Variants in GLB1L3 observed in about 807,000 individuals in gnomAD.
The protein encoded by GLB1L3 is beta-galactosidase-1-like protein 3.
In GLB1L3, 89 loss-of-function variants were observed where a neutral mutation model predicts 89.5. The observed-to-expected ratio is 0.99, with a 90% CI of 0.84 to 1.19. The LOEUF is 1.19. GLB1L3 is among the 50% of genes most tolerant of loss of function. The probability of loss-of-function intolerance (pLI) is 0.00; values close to 1 mark genes in which losing one functional copy is unlikely to be tolerated. For synonymous variants in GLB1L3, 314 were observed against 312.3 expected (o/e 1.01, Z -0.06); for missense variants, 812 against 813.3 (o/e 1.00, Z 0.02).
At chr11:134,312,549 G>A in intron 14 of GLB1L3, 60 bp downstream of exon 14, 3 of 1,584,074 alleles carry the variant, frequency 1.9e-6, no homozygotes, top group Non-Finnish European at 2.6e-6. Flanking sequence ...ATGCTGTCGG[G>A]CAGGGTAGTT....
At chr11:134,312,785 T>C in intron 14 of GLB1L3, 31 bp from the exon 15 acceptor site, 1 of 1,573,520 alleles carries the variant, frequency 6.4e-7, no homozygotes, top group Non-Finnish European at 8.7e-7. Flanking sequence ...CGGGTGGGCC[T>C]AGCAGTCTGA....
At chr11:134,289,573 A>G (rs1146195) in intron 7 of GLB1L3, among the ~76,000 whole-genome samples, 69,104 of 152,050 alleles carry the variant, frequency 0.45, 16,078 homozygotes, top group Non-Finnish European at 0.49. Flanking sequence ...AGAACATGGC[A>G]TTAAAGGGCT....
intron 1 of GLB1L3, 74 bp from the exon 2 acceptor site, chr11:134,277,252 C>G: frequency 6.2e-7 from 1 of 1,602,118 alleles, no homozygotes; most frequent in South Asian, 1.1e-5. Flanking sequence ...GCGCCCCCGG[C>G]ACAGCTTCCC....
At chr11:134,308,489 TCACCACCAAATACCA>T (rs1942486043) in intron 10 of GLB1L3, among the ~76,000 whole-genome samples, 2 of 6,110 alleles carry the variant, frequency 3.3e-4, no homozygotes, top group South Asian at 6.3e-3. Context: ...ACCACCACCA[TCACCACCAAATACCA>T]CCACCACCAC....
In GLB1L3 at chr11:134,279,455, C is replaced by A. The variant is rs542306933; in HGVS notation, c.362+1543C>A. ...GATCTCTGCTCACTGCAACCTCCCC[C>A]TCCTGGGTTCAAGTGATTCTCCTGC... On this transcript the variant is annotated intron_variant, in intron 3 of 19. Coordinates refer to ENST00000431683, the MANE Select transcript of GLB1L3 (RefSeq NM_001080407.3). Among the ~76,000 whole-genome samples the A allele has an allele frequency of 3.2e-4, 49 of 150,904 alleles. No individual in the cohort carries two copies. The South Asian group carries it at 9.4e-3, about 29-fold the overall frequency.
At chr11:134,282,212 T>C in intron 5 of GLB1L3, 92 bp downstream of exon 5, 1 of 1,399,482 alleles carries the variant, frequency 7.1e-7, no homozygotes, top group Non-Finnish European at 9.5e-7. Flanking sequence ...GAAAGTAACC[T>C]TTATTCACGG....
intron 4 of GLB1L3, among the ~76,000 whole-genome samples, 163 bp downstream of exon 4, chr11:134,281,608 C>T (rs565137215): frequency 5.3e-5 from 7 of 131,252 alleles, no homozygotes; most frequent in African/African-American, 1.7e-4. Context: ...GCTCCCCAAC[C>T]GTGACCTGTC....
Position 134,310,661 on chromosome 11 carries a change from AC to A in GLB1L3, c.1180+13del. On this transcript the variant is annotated intron_variant, in intron 12 of 19. Coordinates refer to ENST00000431683, the MANE Select transcript of GLB1L3 (RefSeq NM_001080407.3). Reference sequence around the variant, plus strand: ...TTTCAATCTGTCTCAGGTACTCAGCACCCATTTAACTTACGGGCCAGCCCTC... The same window carrying A: ...TTTCAATCTGTCTCAGGTACTCAGCACCATTTAACTTACGGGCCAGCCCTC... The A allele has an allele frequency of 6.2e-7, 1 of 1,604,416 alleles. No homozygotes were observed. The highest frequency in any genetic ancestry group is 1.1e-5 in the South Asian group (1 of 90,592).
Position 134,308,661 on chromosome 11 carries a change from CCACCACCACCACCAA to C in GLB1L3, c.962-950_962-936del, listed in dbSNP as rs1942559848. Among the ~76,000 whole-genome samples the C allele has an allele frequency of 2.7e-5, 4 of 148,450 alleles. No homozygotes were observed. The South Asian group carries it at 8.5e-4, about 32-fold the overall frequency. On this transcript the variant is annotated intron_variant, in intron 10 of 19. Transcript: ENST00000431683. ...AACACCATCACCACCATCATCACCA[CCACCACCACCACCAA>C]CACCACCACCACCACTACCAAATAA...
intron 13 of GLB1L3, chr11:134,311,408 G>T: frequency 2.0e-6 from 1 of 501,528 alleles, no homozygotes; most frequent in Non-Finnish European, 3.6e-6. Context: ...TTCCCGCTTA[G>T]ATGAACCTGT....
intron 9 of GLB1L3, among the ~76,000 whole-genome samples, chr11:134,304,351 A>G (rs1942085771): frequency 6.6e-6 from 1 of 152,222 alleles, no homozygotes; most frequent in Non-Finnish European, 1.5e-5. Context: ...GTTCGTCCAA[A>G]TAACATAGAT....
At chr11:134,308,561 A>T (rs1362443447) in intron 10 of GLB1L3, among the ~76,000 whole-genome samples, 1 of 135,412 alleles carries the variant, frequency 7.4e-6, no homozygotes, top group Non-Finnish European at 1.6e-5. Context: ...CACCATCACC[A>T]CCACCACCAC....
At chr11:134,289,789 C>T (rs1414106260) in intron 7 of GLB1L3, among the ~76,000 whole-genome samples, 1 of 152,214 alleles carries the variant, frequency 6.6e-6, no homozygotes, top group Non-Finnish European at 1.5e-5. Context: ...AACTGCAGTC[C>T]TGCCTGCTGT....
intron 5 of GLB1L3, among the ~76,000 whole-genome samples, chr11:134,283,483 T>C (rs1270753965): frequency 6.6e-6 from 1 of 152,168 alleles, no homozygotes; most frequent in Non-Finnish European, 1.5e-5. Flanking sequence ...TCAGACCAAA[T>C]AGAGCTGAAG....
chr11:134,287,914 G>A (rs1191416332), intron 6 of GLB1L3, among the ~76,000 whole-genome samples: 1 of 152,182 alleles, frequency 6.6e-6, no homozygotes, highest in Non-Finnish European at 1.5e-5. Flanking sequence ...TGTCCAAGAG[G>A]GAGGAACGCA....
intron 9 of GLB1L3, among the ~76,000 whole-genome samples, chr11:134,300,439 T>C (rs1465651607): frequency 1.3e-5 from 2 of 151,640 alleles, no homozygotes; most frequent in Non-Finnish European, 2.9e-5. Flanking sequence ...TTCACACCAT[T>C]CTCCTGCCTC....
At chr11:134,295,366 T>C (rs1162524967) in intron 9 of GLB1L3, among the ~76,000 whole-genome samples, 1 of 152,206 alleles carries the variant, frequency 6.6e-6, no homozygotes, top group East Asian at 1.9e-4. Context: ...ATTCTACTCA[T>C]TTTATTCTAT....
intron 1 of GLB1L3, chr11:134,277,046 G>A: frequency 3.5e-6 from 2 of 570,550 alleles, no homozygotes; most frequent in South Asian, 4.5e-5. Flanking sequence ...TGCTGGAAGT[G>A]CGCCCGCCTC....
At position 134,309,461 on chromosome 11, in the gene GLB1L3, A is replaced by G. The variant is rs556393006; in HGVS notation, c.962-165A>G. 8.8e-5 allele frequency among the ~76,000 whole-genome samples: 13 copies of G among 148,510 alleles called. No individual in the cohort carries two copies. The South Asian group carries it at 1.0e-3, about 12-fold the overall frequency. ...AGAGAAAAATTGTTTTTTTTTTTAT[A>G]TCATTTTACTTAAAGTCTCCATTCC... On this transcript the variant is annotated intron_variant, in intron 10 of 19. Coordinates refer to ENST00000431683, the MANE Select transcript of GLB1L3 (RefSeq NM_001080407.3).
Sources: allele counts gnomAD v4.1 joint callset (sites outside exome capture counted in the v4.1 genomes callset), GRCh38; gene constraint gnomAD v4.1.1; transcripts MANE v1.5; gene names NCBI Gene and HGNC (gene_info 2026-07-23, HGNC 2026-07-21).